The following HSD11B2 variants were observed in gnomAD, a reference collection of about 807,000 sequenced individuals.
The protein encoded by HSD11B2 is hydroxysteroid 11-beta dehydrogenase 2.
Under a neutral mutation model 20.9 loss-of-function variants are expected in HSD11B2, and 17 were observed. The ratio of observed to expected loss-of-function variants is 0.81; its 90% CI spans 0.56 to 1.22. The LOEUF is 1.22. HSD11B2 is among the 50% of genes most tolerant of loss of function. HSD11B2 has a pLI of 0.00. For missense variants in HSD11B2, 480 were observed against 563.6 expected, an observed-to-expected ratio of 0.85 and a Z score of 1.50; for synonymous variants, 253 against 255.4, an observed-to-expected ratio of 0.99 and a Z score of 0.09.
At position 67,436,181 on chromosome 16, in the gene HSD11B2, T is replaced by G; in HGVS notation, c.664+39T>G. On this transcript the variant is annotated intron_variant, in intron 3 of 4. Coordinates refer to ENST00000326152, the MANE Select transcript of HSD11B2 (RefSeq NM_000196.4). This position sits in a 1 kb window ranked among gnomAD's most constrained non-coding sequence, Gnocchi z 5.7. ...CCCACTGGAGCAAAAAGGAGCCCCC[T>G]GGGGTGGGGGAGGGCTTAGGGAGCC... The G allele has an allele frequency of 6.2e-7, 1 of 1,613,512 alleles. No homozygotes were observed.
chr16:67,437,055 C>T lies in HSD11B2; in HGVS notation c.*52C>T. ...TGCAGCACAGGAGGCTCCGTGAGCC[C>T]TTGGTTCCTCCCCGAAAACCCCCAG... On this transcript the variant is annotated 3_prime_UTR_variant, in exon 5 of 5. Transcript: ENST00000326152. The T allele has an allele frequency of 1.3e-6, 2 of 1,568,828 alleles. No homozygotes were observed. Among genetic ancestry groups the T allele is most frequent in the Non-Finnish European group, 1.7e-6 (2 of 1,155,786 alleles).
chr16:67,430,834 G>GT (rs1177320323), upstream of HSD11B2: 1 of 153,384 alleles, frequency 6.5e-6, no homozygotes, highest in African/African-American at 2.4e-5. The surrounding 1 kb of genome is among the most constrained non-coding windows in gnomAD (Gnocchi z 5.4). Context: ...GGGCGTGTGG[G>GT]TGGGGGCGCG....
At chr16:67,433,811 G>A (rs967430838) in intron 1 of HSD11B2, among the ~76,000 whole-genome samples, 1 of 150,970 alleles carries the variant, frequency 6.6e-6, no homozygotes. Context: ...GCCCAGTGCT[G>A]TTTTCAGTAG....
At chr16:67,435,056 C>T (rs1020737484) in intron 1 of HSD11B2, among the ~76,000 whole-genome samples, 3 of 149,568 alleles carry the variant, frequency 2.0e-5, no homozygotes, top group Non-Finnish European at 3.0e-5. Flanking sequence ...AAGAAAAAAC[C>T]AGCCAGGCGT....
rs1405233334 is a variant in HSD11B2 at position 67,437,363 on chromosome 16, T to G, written c.*360T>G. The stretch of plus-strand genomic sequence containing the variant: ...CAAACTAAGGAGTGACTAGGTGGGT[T>G]GGGGACCCCCTCAGGATTGTTTCTC... On this transcript the variant is annotated 3_prime_UTR_variant, in exon 5 of 5. Transcript: ENST00000326152. 1 of 365,108 alleles carries G rather than the reference T, an allele frequency of 2.7e-6. No homozygotes were observed. Among genetic ancestry groups the G allele is most frequent in the East Asian group, 5.5e-5 (1 of 18,076 alleles). 22.6% of individuals were successfully genotyped at this position (365,108 alleles called of 1,614,324 possible).
In HSD11B2 at chr16:67,431,172, GC is replaced by G; in HGVS notation, c.-73del. The G allele has an allele frequency of 1.2e-6, 1 of 830,170 alleles. No individual in the cohort carries two copies. Among genetic ancestry groups the G allele is most frequent in the Non-Finnish European group, 1.5e-6 (1 of 665,258 alleles). The allele number at this position is 830,170 out of a possible 1,614,324, so 51.4% of individuals were successfully genotyped here. A position where few individuals can be genotyped will look rare whatever the true frequency, so the allele number is the denominator to read the frequency against. ...AGGCCGGTGTACCCCCGCACTCCGCGCCCCGGCCTAGAAGCTCTCTCTCCCC... is the reference window on the plus strand; with the variant it reads ...AGGCCGGTGTACCCCCGCACTCCGCGCCCGGCCTAGAAGCTCTCTCTCCCC... On this transcript the variant is annotated 5_prime_UTR_variant, in exon 1 of 5. Transcript: ENST00000326152.
intron 1 of HSD11B2, among the ~76,000 whole-genome samples, chr16:67,432,253 A>C (rs2040938707): frequency 6.9e-5 from 7 of 101,988 alleles, no homozygotes; most frequent in South Asian, 3.4e-4. Context: ...GAGGGAGGGA[A>C]GGGGAAGGGG....
intron 1 of HSD11B2, 85 bp from the exon 2 acceptor site, chr16:67,435,543 C>A: frequency 2.8e-6 from 3 of 1,078,006 alleles, no homozygotes; most frequent in Non-Finnish European, 4.2e-6. Context: ...GGGCCTGGAT[C>A]CCATCCAGAC....
Position 67,436,661 on chromosome 16 carries a change from G to A in HSD11B2, c.876G>A (p.Leu292=), listed in dbSNP as rs765861384. 1.2e-6 allele frequency: 2 copies of A among 1,614,082 alleles called. No individual in the cohort carries two copies. The highest frequency in any genetic ancestry group is 2.2e-5 in the East Asian group (1 of 44,896). ...TGGCCAACCTGCCTCAAGAGCTGCT[G>A]CAGGCCTACGGCAAGGACTACATCG... ...LLLANLPQEL[L]QAYGKDYIEH... The change falls in exon 5 of 5, where the codon CTG becomes CTA. Residue 292 remains leucine (L), a synonymous_variant. Transcript: ENST00000326152. This position sits in a 1 kb window ranked among gnomAD's most constrained non-coding sequence, Gnocchi z 5.7.
In HSD11B2 at chr16:67,437,137, A is replaced by G; in HGVS notation, c.*134A>G. On this transcript the variant is annotated 3_prime_UTR_variant, in exon 5 of 5. Transcript: ENST00000326152. ...GCCTAAAGAATCCCACCCCCACTTC[A>G]TGCCCACTGCCGATGCCCAATCCAG... The G allele has an allele frequency of 2.1e-6, 2 of 951,962 alleles. No individual in the cohort carries two copies. Among genetic ancestry groups the G allele is most frequent in the South Asian group, 3.2e-5 (2 of 62,480 alleles). 59.0% of individuals were successfully genotyped at this position (951,962 alleles called of 1,614,324 possible). A position where few individuals can be genotyped will look rare whatever the true frequency, so the allele number is the denominator to read the frequency against.
chr16:67,437,175 C>A lies in HSD11B2; in HGVS notation c.*172C>A. The A allele has an allele frequency of 1.5e-6, 1 of 686,796 alleles. No individual in the cohort carries two copies. Among genetic ancestry groups the A allele is most frequent in the Non-Finnish European group, 2.4e-6 (1 of 412,672 alleles). The allele number at this position is 686,796 out of a possible 1,614,324, so 42.5% of individuals were successfully genotyped here. On this transcript the variant is annotated 3_prime_UTR_variant, in exon 5 of 5. Coordinates refer to ENST00000326152, the MANE Select transcript of HSD11B2 (RefSeq NM_000196.4). ...ATGCCCAATCCAGGCCCGGTGAGGC[C>A]AAGGTTTCCCAGTGAGCCTCTGCGC...
chr16:67,436,569 C>T lies in HSD11B2; in HGVS notation c.803-19C>T. 2 of 1,613,788 alleles carry T rather than the reference C, an allele frequency of 1.2e-6. No homozygotes were observed. Among genetic ancestry groups the T allele is most frequent in the Non-Finnish European group, 1.7e-6 (2 of 1,179,860 alleles). On this transcript the variant is annotated intron_variant, in intron 4 of 4. Transcript: ENST00000326152. The surrounding 1 kb of genome is among the most constrained non-coding windows in gnomAD (Gnocchi z 5.7). ...CTCCCCTAGCTGATCCCACTCTGAC[C>T]TTGCCACTCCTTCCCCAGAGTCAGT... is the stretch of plus-strand genomic sequence containing the variant.
chr16:67,436,658 G>A lies in HSD11B2; in HGVS notation c.873G>A (p.Leu291=). The A allele has an allele frequency of 6.2e-7, 1 of 1,614,216 alleles. No homozygotes were observed. Among genetic ancestry groups the A allele is most frequent in the Non-Finnish European group, 8.5e-7 (1 of 1,180,042 alleles). The part of the protein sequence containing the change: ...QLLLANLPQE[L]LQAYGKDYIE... ...TGCTGGCCAACCTGCCTCAAGAGCT[G>A]CTGCAGGCCTACGGCAAGGACTACA... Residue 291 remains leucine, a synonymous_variant, in exon 5 of 5, where the codon CTG becomes CTA. Transcript: ENST00000326152. This position sits in a 1 kb window ranked among gnomAD's most constrained non-coding sequence, Gnocchi z 5.7.
chr16:67,435,371 TC>T (rs1467220085), intron 1 of HSD11B2, among the ~76,000 whole-genome samples: 1 of 152,172 alleles, frequency 6.6e-6, no homozygotes, highest in Admixed American at 6.5e-5. Flanking sequence ...GGCCTTAGTT[TC>T]CTCTTCTGTA....
Position 67,437,468 on chromosome 16 carries a change from A to G in HSD11B2, c.*465A>G, listed in dbSNP as rs72650128. On this transcript the variant is annotated 3_prime_UTR_variant, in exon 5 of 5. Coordinates refer to ENST00000326152, the MANE Select transcript of HSD11B2 (RefSeq NM_000196.4). Reference sequence around the variant, plus strand: ...TGGCTCAAGAATTAGGGCCCCAACTACACACCCCCAAGCCACAGGGAAGCA... The same window carrying G: ...TGGCTCAAGAATTAGGGCCCCAACTGCACACCCCCAAGCCACAGGGAAGCA... 2.0e-3 allele frequency: 405 copies of G among 205,582 alleles called. 2 individuals are homozygous for G. The highest frequency in any genetic ancestry group is 3.1e-3 in the Non-Finnish European group (317 of 100,674). 12.7% of individuals were successfully genotyped at this position (205,582 alleles called of 1,614,324 possible).
intron 1 of HSD11B2, among the ~76,000 whole-genome samples, chr16:67,433,762 T>G (rs2040950684): frequency 6.6e-6 from 1 of 151,386 alleles, no homozygotes; most frequent in Non-Finnish European, 1.5e-5. Flanking sequence ...CAGACTTGCC[T>G]GGGAAGTACC....
Position 67,431,413 on chromosome 16 carries a change from G to A in HSD11B2, c.165G>A (p.Pro55=), listed in dbSNP as rs1474933275. The A allele has an allele frequency of 7.8e-7, 1 of 1,283,194 alleles. No individual in the cohort carries two copies. The allele number at this position is 1,283,194 out of a possible 1,614,324, so 79.5% of individuals were successfully genotyped here. The stretch of plus-strand genomic sequence containing the variant: ...TGTGCCAGCGCCTGCTGCCCCCGCC[G>A]GCCGCACTCGCCGTGCTGGCCGCCG... ...DWLCQRLLPP[P]AALAVLAAAG... is the part of the protein sequence containing the mutation. The change falls in exon 1 of 5, where the codon CCG becomes CCA. Residue 55 remains proline (P), a synonymous_variant. Transcript: ENST00000326152.
intron 1 of HSD11B2, among the ~76,000 whole-genome samples, chr16:67,432,259 A>AGG (rs35257037): frequency 0.021 from 2,140 of 103,184 alleles, 22 homozygotes; most frequent in Middle Eastern, 0.035. Flanking sequence ...GGGAAGGGGA[A>AGG]GGGGGGGGGG....
chr16:67,435,871 G>A (rs748170467), intron 2 of HSD11B2, 31 bp downstream of exon 2: 11 of 1,613,578 alleles, frequency 6.8e-6, no homozygotes, highest in South Asian at 2.2e-5. Context: ...AGGCAAGGGC[G>A]TGGCAGGGGA....
Sources: gnomAD v4.1 joint callset for allele counts (sites outside exome capture counted in the v4.1 genomes callset) on GRCh38, gnomAD v4.1.1 for gene constraint, Gnocchi (gnomAD v3.1) non-coding constraint, MANE v1.5 for transcripts, NCBI Gene and HGNC (gene_info 2026-07-23, HGNC 2026-07-21) for gene names.